PSMD5: variants seen among roughly 807,000 people sequenced by gnomAD.
PSMD5 encodes the protein 26S proteasome non-ATPase regulatory subunit 5.
Under a neutral mutation model 52.1 loss-of-function variants are expected in PSMD5, and 40 were observed. The ratio of observed to expected loss-of-function variants is 0.77; its 90% CI spans 0.60 to 1.00. The LOEUF (loss-of-function observed/expected upper bound fraction) is 1.00, where lower values mean the gene tolerates loss of function less well. Ranked by LOEUF, PSMD5 falls within the 50% of genes least tolerant of loss-of-function variation. The pLI, the probability that PSMD5 is intolerant of heterozygous loss-of-function variation, is 0.00. For missense variants in PSMD5, 575 were observed against 605.2 expected, an observed-to-expected ratio of 0.95 and a Z score of 0.52; for synonymous variants, 211 against 226.6, an observed-to-expected ratio of 0.93 and a Z score of 0.62.
chr9:120,824,743 G>A, intron 6 of PSMD5, 58 bp from the exon 7 acceptor site: 1 of 1,403,318 alleles, frequency 7.1e-7, no homozygotes, highest in Admixed American at 2.2e-5. Flanking sequence ...TGAATTGCGG[G>A]CTCTATGACT....
At chr9:120,828,207 C>G (rs893185452) in intron 5 of PSMD5, among the ~76,000 whole-genome samples, 2 of 152,094 alleles carry the variant, frequency 1.3e-5, no homozygotes, top group Admixed American at 6.6e-5. Flanking sequence ...ACCGTATTGG[C>G]CAGGCTGGTC....
At position 120,818,062 on chromosome 9, in the gene PSMD5, C is replaced by A. The variant is rs771196583; in HGVS notation, c.1359G>T (p.Lys453Asn). Reference sequence around the variant, plus strand: ...CTTTCACTAGTTCATATTTGGCATCCTTTGAAGCTTTGTCATGCTCCACAG... The same window carrying A: ...CTTTCACTAGTTCATATTTGGCATCATTTGAAGCTTTGTCATGCTCCACAG... ...DRSVEHDKAS[K>N]DAKYELVKAL... Residue 453 changes from lysine (K) to asparagine (N), a missense_variant, in exon 10 of 10, where the codon AAG becomes AAT. Transcript: ENST00000210313. 6.2e-7 allele frequency: 1 copy of A among 1,614,186 alleles called. No individual in the cohort carries two copies. The highest frequency in any genetic ancestry group is 1.1e-5 in the South Asian group (1 of 91,088).
At chr9:120,824,856 G>T in intron 6 of PSMD5, 171 bp from the exon 7 acceptor site, 1 of 545,094 alleles carries the variant, frequency 1.8e-6, no homozygotes, top group Non-Finnish European at 3.1e-6. Context: ...TGAAGGACCT[G>T]TGATGTGTGA....
intron 1 of PSMD5, among the ~76,000 whole-genome samples, chr9:120,834,271 T>C (rs2045183790): frequency 6.6e-6 from 1 of 152,130 alleles, no homozygotes; most frequent in East Asian, 1.9e-4. Context: ...TGAGACACCG[T>C]GCCTGGCCCG....
rs186873951 is a variant in PSMD5, at chr9:120,827,117, T to C, written c.672-210A>G. 7.2e-5 allele frequency among the ~76,000 whole-genome samples: 11 copies of C among 152,350 alleles called. No homozygotes were observed. In the East Asian group the frequency reaches 2.1e-3, roughly 29 times the overall value. ...ATTGTTATTATAGGCAGAGTTTAGA[T>C]TTAAATCTTGACCTTCTGATTTGAA... On this transcript the variant is annotated intron_variant, in intron 5 of 9. Transcript: ENST00000210313.
chr9:120,837,690 C>G (rs1588072668), intron 1 of PSMD5, among the ~76,000 whole-genome samples: 1 of 152,156 alleles, frequency 6.6e-6, no homozygotes, highest in East Asian at 1.9e-4. Flanking sequence ...AAACAGTTTG[C>G]CAGTTGCTTA....
Position 120,831,348 on chromosome 9 carries a change from G to A in PSMD5, c.544C>T (p.Arg182Ter), listed in dbSNP as rs199638932. The change falls in exon 4 of 10, where the codon CGA (arginine) becomes TGA (stop). Residue 182 changes from arginine (R) to a stop codon, truncating the protein, a stop_gained. Transcript: ENST00000210313. LOFTEE classifies it high-confidence loss of function. ...KSVMKTNDIVRYRVYELIIEI... is the reference protein window; with the variant it reads ...KSVMKTNDIV Reference sequence around the variant, plus strand: ...TATCTTACCTCATACACCCTGTATCGAACAATGTCATTTGTTTTCATTACA... The same window carrying A: ...TATCTTACCTCATACACCCTGTATCAAACAATGTCATTTGTTTTCATTACA... 48 of 1,608,960 alleles carry A rather than the reference G, an allele frequency of 3.0e-5. No individual in the cohort carries two copies. The highest frequency in any genetic ancestry group is 3.8e-5 in the Non-Finnish European group (45 of 1,178,410).
Position 120,816,690 on chromosome 9 carries a change from G to C in PSMD5, c.*1216C>G, listed in dbSNP as rs576189601. The stretch of plus-strand genomic sequence containing the variant: ...CATAAACCTCTGAACAGGTGATTTG[G>C]TGTGCAGAGTGCTTTGGCTTTGCTG... On this transcript the variant is annotated 3_prime_UTR_variant, in exon 10 of 10. Coordinates refer to ENST00000210313, the MANE Select transcript of PSMD5 (RefSeq NM_005047.4). 4 of 152,228 alleles carry C rather than the reference G, an allele frequency of 2.6e-5. No individual in the cohort carries two copies. Among genetic ancestry groups the C allele is most frequent in the Non-Finnish European group, 5.9e-5 (4 of 68,052 alleles). The allele number at this position is 152,228 out of a possible 1,614,324, so 9.4% of individuals were successfully genotyped here. A position where few individuals can be genotyped will look rare whatever the true frequency, so the allele number is the denominator to read the frequency against.
chr9:120,830,766 T>A (rs1235285590), intron 4 of PSMD5, among the ~76,000 whole-genome samples: 1 of 152,194 alleles, frequency 6.6e-6, no homozygotes, highest in Non-Finnish European at 1.5e-5. Flanking sequence ...TATGTGAGTA[T>A]TTTAGCATAG....
chr9:120,830,482 G>C (rs564309142), intron 4 of PSMD5, among the ~76,000 whole-genome samples: 7 of 152,154 alleles, frequency 4.6e-5, no homozygotes, highest in Non-Finnish European at 8.8e-5. Flanking sequence ...AGCAGGGCTT[G>C]GAACTCTGTT....
chr9:120,840,814 T>A (rs1304692536), intron 1 of PSMD5, among the ~76,000 whole-genome samples: 1 of 151,986 alleles, frequency 6.6e-6, no homozygotes, highest in African/African-American at 2.4e-5. Flanking sequence ...GAGACAGGGT[T>A]TCACTATGTT....
In PSMD5 at chr9:120,821,353, A is replaced by C. The variant is rs1004451522; in HGVS notation, c.1116+2T>G. ...TCCTTCATTATTTCCCTACCTACTTACTGGTAAGTACAGAAGAGATGAAAT... is the reference window on the plus strand; with the variant it reads ...TCCTTCATTATTTCCCTACCTACTTCCTGGTAAGTACAGAAGAGATGAAAT... On this transcript the variant is annotated splice_donor_variant, in intron 8 of 9. Transcript: ENST00000210313. LOFTEE classifies it high-confidence loss of function. The C allele has an allele frequency of 1.7e-5, 26 of 1,529,784 alleles. No homozygotes were observed. Among genetic ancestry groups the C allele is most frequent in the Non-Finnish European group, 2.3e-5 (26 of 1,123,906 alleles). 94.8% of individuals were successfully genotyped at this position (1,529,784 alleles called of 1,614,324 possible).
In PSMD5 at chr9:120,816,503, G is replaced by A. The variant is rs1000825402; in HGVS notation, c.*1403C>T. On this transcript the variant is annotated 3_prime_UTR_variant, in exon 10 of 10. Coordinates refer to ENST00000210313, the MANE Select transcript of PSMD5 (RefSeq NM_005047.4). ...CTAATTAGTAGTGATATTAACAGTA[G>A]GGGACTAGTCAGCATGGAAACACAC... 2 of 152,206 alleles carry A rather than the reference G, an allele frequency of 1.3e-5. No individual in the cohort carries two copies. Among genetic ancestry groups the A allele is most frequent in the African/African-American group, 2.4e-5 (1 of 41,454 alleles). The allele number at this position is 152,206 out of a possible 1,614,324, so 9.4% of individuals were successfully genotyped here.
chr9:120,842,726 G>C lies in PSMD5; in HGVS notation c.173+11C>G, dbSNP rs938418215. ...CCCTCTCCTCGGCTCAAGCCCCCGG[G>C]GTCCTCTCACCTATGGTTCTCGTTA... is the stretch of plus-strand genomic sequence containing the variant. On this transcript the variant is annotated intron_variant, in intron 1 of 9. Coordinates refer to ENST00000210313, the MANE Select transcript of PSMD5 (RefSeq NM_005047.4). The C allele has an allele frequency of 1.9e-6, 3 of 1,612,958 alleles. No homozygotes were observed. The highest frequency in any genetic ancestry group is 1.7e-5 in the Admixed American group (1 of 59,984).
chr9:120,824,228 G>A, intron 7 of PSMD5: 1 of 472,090 alleles, frequency 2.1e-6, no homozygotes, highest in Non-Finnish European at 3.8e-6. Flanking sequence ...TCATAGAGGG[G>A]AAACAGGAAA....
chr9:120,833,966 G>A (rs957092892), intron 1 of PSMD5, among the ~76,000 whole-genome samples: 4 of 139,496 alleles, frequency 2.9e-5, no homozygotes, highest in Admixed American at 7.4e-5. Context: ...TTGGGCCACC[G>A]CACCTGGCCT....
At chr9:120,838,875 A>G (rs951392541) in intron 1 of PSMD5, among the ~76,000 whole-genome samples, 2 of 152,240 alleles carry the variant, frequency 1.3e-5, no homozygotes, top group Non-Finnish European at 2.9e-5. Context: ...CTGGGCCCTA[A>G]GAGGGATGCA....
At chr9:120,828,324 C>A (rs1276551517) in intron 5 of PSMD5, among the ~76,000 whole-genome samples, 4 of 151,612 alleles carry the variant, frequency 2.6e-5, no homozygotes, top group African/African-American at 4.9e-5. Flanking sequence ...AGTTACTGTT[C>A]TGAGAGATGA....
At chr9:120,826,995 ATTC>A (rs1159022980) in intron 5 of PSMD5, 88 bp from the exon 6 acceptor site, 4 of 1,300,862 alleles carry the variant, frequency 3.1e-6, no homozygotes, top group South Asian at 1.6e-5. Context: ...ATCTTATTTA[ATTC>A]TTCTTATCAC....
Sources: gnomAD v4.1 joint callset for allele counts (sites outside exome capture counted in the v4.1 genomes callset) on GRCh38, gnomAD v4.1.1 for gene constraint, MANE v1.5 for transcripts, NCBI Gene and HGNC (gene_info 2026-07-23, HGNC 2026-07-21) for gene names.